PTPRN2: variants seen among roughly 807,000 people sequenced by gnomAD.
PTPRN2 encodes the protein protein tyrosine phosphatase receptor type N2.
Under a neutral mutation model 118.8 loss-of-function variants are expected in PTPRN2, and 74 were observed. That is an observed-to-expected ratio of 0.62 (90% CI 0.52 to 0.76). PTPRN2 has a LOEUF of 0.76. Ranked by LOEUF, PTPRN2 falls within the 30% of genes least tolerant of loss-of-function variation. The pLI is 0.00. For missense variants in PTPRN2, 1,481 were observed against 1,394.4 expected (o/e 1.06, Z -0.99); for synonymous variants, 641 against 608.0 (o/e 1.05, Z -0.80).
chr7:157,865,919 G>C (rs112352466), intron 12 of PTPRN2: 1 of 152,284 alleles, frequency 6.6e-6, no homozygotes, highest in East Asian at 1.9e-4. Context: ...CTCCCCAGCA[G>C]CCAGCACACC....
intron 1 of PTPRN2, among the ~76,000 whole-genome samples, chr7:158,522,224 A>G (rs868507589): frequency 8.5e-4 from 37 of 43,620 alleles, no homozygotes; most frequent in East Asian, 1.8e-3. Flanking sequence ...CTGTCCAGGT[A>G]GTGGCTCAGG....
At chr7:158,362,681 G>A (rs535449192) in intron 2 of PTPRN2, among the ~76,000 whole-genome samples, 44 of 127,480 alleles carry the variant, frequency 3.5e-4, no homozygotes, top group Non-Finnish European at 5.9e-4. Context: ...GTATAAAACC[G>A]TAAGTCAGGT....
chr7:157,621,528 G>C lies in PTPRN2; in HGVS notation c.2197-19C>G, dbSNP rs889369719. ...TGTAGGACTGAAAGGGAAACACAGG[G>C]TCAGGAGCGCACCTAGGTGGTGAGC... On this transcript the variant is annotated intron_variant, in intron 14 of 22. Transcript: ENST00000389418. The C allele has an allele frequency of 5.6e-6, 9 of 1,610,278 alleles. No homozygotes were observed. The highest frequency in any genetic ancestry group is 7.6e-6 in the Non-Finnish European group (9 of 1,179,976).
chr7:158,127,370 T>C (rs566627344), intron 9 of PTPRN2, among the ~76,000 whole-genome samples: 6 of 152,218 alleles, frequency 3.9e-5, no homozygotes, highest in African/African-American at 1.4e-4. Context: ...CTGCTCCACC[T>C]GAGCCCCGTT....
At chr7:158,272,382 C>T (rs1160301072) in intron 3 of PTPRN2, among the ~76,000 whole-genome samples, 1 of 152,210 alleles carries the variant, frequency 6.6e-6, no homozygotes, top group Non-Finnish European at 1.5e-5. Flanking sequence ...ACTTGGGTCC[C>T]AACGTCACTG....
chr7:158,027,149 C>T lies in PTPRN2; in HGVS notation c.1723+54149G>A, dbSNP rs561482181. On this transcript the variant is annotated intron_variant, in intron 11 of 22. Coordinates refer to ENST00000389418, the MANE Select transcript of PTPRN2 (RefSeq NM_002847.5). The stretch of plus-strand genomic sequence containing the variant: ...CAGAGCCGGCCCCTGTGGAAAGTGC[C>T]CAGCCACAGCCAGGACTTTACCCAC... 2.6e-5 allele frequency among the ~76,000 whole-genome samples: 4 copies of T among 152,278 alleles called. No homozygotes were observed. In the South Asian group the frequency reaches 8.3e-4, roughly 32 times the overall value.
intron 11 of PTPRN2, among the ~76,000 whole-genome samples, chr7:158,079,686 C>T (rs1812646472): frequency 6.6e-6 from 1 of 152,212 alleles, no homozygotes; most frequent in African/African-American, 2.4e-5. Flanking sequence ...CTCCAATAAT[C>T]ACTTCTGACA....
At chr7:158,026,675 C>A (rs1456215738) in intron 11 of PTPRN2, among the ~76,000 whole-genome samples, 2 of 152,160 alleles carry the variant, frequency 1.3e-5, no homozygotes, top group African/African-American at 2.4e-5. Flanking sequence ...GTGGGGAGCA[C>A]CCTGGCCACT....
chr7:157,998,630 C>T (rs909525798), intron 11 of PTPRN2, among the ~76,000 whole-genome samples: 2 of 152,156 alleles, frequency 1.3e-5, no homozygotes, highest in African/African-American at 4.8e-5. Flanking sequence ...CGAGACCATC[C>T]TGGCCAACAT....
intron 3 of PTPRN2, among the ~76,000 whole-genome samples, chr7:158,268,448 T>C (rs1223909128): frequency 7.1e-6 from 1 of 141,490 alleles, no homozygotes; most frequent in Non-Finnish European, 1.5e-5. Flanking sequence ...AGGGCAGGTG[T>C]GAAATATCCC....
chr7:158,149,556 C>T lies in PTPRN2; in HGVS notation c.911-11041G>A, dbSNP rs528601454. On this transcript the variant is annotated intron_variant, in intron 6 of 22. Coordinates refer to ENST00000389418, the MANE Select transcript of PTPRN2 (RefSeq NM_002847.5). The stretch of plus-strand genomic sequence containing the variant: ...CAGTGGCTCATGCCTGTAATCCCAG[C>T]ACTTTGGGGTCCGAGGTGGGTGGAT... Among the ~76,000 whole-genome samples the T allele has an allele frequency of 1.4e-4, 21 of 152,130 alleles. No homozygotes were observed. The South Asian group carries it at 4.4e-3, about 32-fold the overall frequency.
chr7:158,577,968 C>T (rs1398455869), intron 1 of PTPRN2, among the ~76,000 whole-genome samples: 2 of 152,222 alleles, frequency 1.3e-5, no homozygotes, highest in Non-Finnish European at 2.9e-5. Flanking sequence ...AGACTGCCCA[C>T]CCTTACCCTG....
chr7:158,085,996 C>T (rs549733051), intron 10 of PTPRN2, among the ~76,000 whole-genome samples: 76 of 152,342 alleles, frequency 5.0e-4, no homozygotes, highest in Non-Finnish European at 1.0e-3. Context: ...GTGTTTTCTC[C>T]GTCAGGCACA....
At chr7:158,578,537 TA>T (rs59811856) in intron 1 of PTPRN2, among the ~76,000 whole-genome samples, 46 of 125,868 alleles carry the variant, frequency 3.7e-4, no homozygotes, top group Non-Finnish European at 4.6e-4. Context: ...CCTGTCTCTG[TA>T]AAAAAAAAAA....
intron 12 of PTPRN2, among the ~76,000 whole-genome samples, chr7:157,745,198 A>C (rs1800849481): frequency 6.6e-6 from 1 of 152,140 alleles, no homozygotes; most frequent in African/African-American, 2.4e-5. Flanking sequence ...TACAGTCAGC[A>C]ACGGTGGCCC....
At chr7:157,936,958 T>TAGCC (rs1343214381) in intron 11 of PTPRN2, among the ~76,000 whole-genome samples, 3 of 152,274 alleles carry the variant, frequency 2.0e-5, no homozygotes, top group Non-Finnish European at 2.9e-5. Flanking sequence ...GTAAAAAGTA[T>TAGCC]TCTTTCTGCA....
At chr7:158,233,437 A>C (rs984921008) in intron 3 of PTPRN2, among the ~76,000 whole-genome samples, 1 of 152,232 alleles carries the variant, frequency 6.6e-6, no homozygotes, top group Non-Finnish European at 1.5e-5. Flanking sequence ...AACTGGAAAG[A>C]TATTCCATGC....
chr7:157,567,501 C>G (rs1225154753), intron 21 of PTPRN2, among the ~76,000 whole-genome samples: 1 of 152,060 alleles, frequency 6.6e-6, no homozygotes, highest in Non-Finnish European at 1.5e-5. Context: ...CTGCGTAAAG[C>G]CATGGCTGTT....
intron 2 of PTPRN2, among the ~76,000 whole-genome samples, chr7:158,462,069 T>TCCTC (rs57607417): frequency 2.1e-5 from 2 of 96,668 alleles, no homozygotes; most frequent in African/African-American, 3.5e-5. Context: ...CCCCTGTGCT[T>TCCTC]CCGCCCACGC....
Sources: allele counts gnomAD v4.1 joint callset (sites outside exome capture counted in the v4.1 genomes callset), GRCh38; gene constraint gnomAD v4.1.1; transcripts MANE v1.5; gene names NCBI Gene and HGNC (gene_info 2026-07-23, HGNC 2026-07-21).